Variants in PTPRE observed in about 807,000 individuals in gnomAD.
PTPRE encodes the protein protein tyrosine phosphatase receptor type E.
A neutral mutation model predicts 102.0 loss-of-function variants in PTPRE; 51 were observed. That is an observed-to-expected ratio of 0.50 (90% confidence interval 0.40 to 0.63). PTPRE has a LOEUF of 0.63. PTPRE is among the 30% of genes least tolerant of loss of function. The pLI is 0.00. For synonymous variants in PTPRE, 345 were observed against 348.2 expected, an observed-to-expected ratio of 0.99 and a Z score of 0.10; for missense variants, 752 against 915.1, an observed-to-expected ratio of 0.82 and a Z score of 2.30.
At chr10:128,022,738 A>G (rs759851921) in intron 2 of PTPRE, among the ~76,000 whole-genome samples, 2 of 152,242 alleles carry the variant, frequency 1.3e-5, no homozygotes, top group Non-Finnish European at 2.9e-5. Flanking sequence ...CAGCGGAGAC[A>G]GCTAGCAGGG....
intron 19 of PTPRE, among the ~76,000 whole-genome samples, chr10:128,078,241 G>C (rs1328356561): frequency 6.6e-6 from 1 of 152,180 alleles, no homozygotes; most frequent in Non-Finnish European, 1.5e-5. Flanking sequence ...TTGTAGCCAC[G>C]CTGGTCCTGC....
intron 1 of PTPRE, among the ~76,000 whole-genome samples, chr10:127,923,566 G>C (rs1475914968): frequency 3.3e-5 from 5 of 152,114 alleles, no homozygotes; most frequent in Non-Finnish European, 7.4e-5. Context: ...ACCATGCTTG[G>C]CTAATTTTTG....
At chr10:128,049,697 C>T in intron 6 of PTPRE, 31 bp downstream of exon 6, 1 of 1,612,868 alleles carries the variant, frequency 6.2e-7, no homozygotes, top group Non-Finnish European at 8.5e-7. Flanking sequence ...CTGCTGGGTG[C>T]CCTGTGGTGG....
intron 2 of PTPRE, among the ~76,000 whole-genome samples, chr10:127,982,988 C>A (rs184924995): frequency 2.0e-5 from 3 of 152,302 alleles, no homozygotes; most frequent in Admixed American, 6.5e-5. Flanking sequence ...GTGAGTGGCA[C>A]GTGGACTTCT....
chr10:128,075,715 G>A (rs926330184), intron 17 of PTPRE, among the ~76,000 whole-genome samples: 2 of 152,066 alleles, frequency 1.3e-5, no homozygotes, highest in African/African-American at 4.8e-5. Flanking sequence ...ATTGTTAATT[G>A]AAAATTAACA....
At chr10:127,925,591 G>A (rs998480269) in intron 1 of PTPRE, among the ~76,000 whole-genome samples, 2 of 152,340 alleles carry the variant, frequency 1.3e-5, no homozygotes, top group Admixed American at 6.5e-5. Flanking sequence ...CATGGTCGAG[G>A]CCAGGCCACA....
chr10:127,986,609 C>A (rs1271832488), intron 2 of PTPRE, among the ~76,000 whole-genome samples: 1 of 152,220 alleles, frequency 6.6e-6, no homozygotes, highest in African/African-American at 2.4e-5. Context: ...CTTTAGTAAT[C>A]TCTGTTTCCT....
At chr10:127,968,609 C>G (rs1309226317) in intron 1 of PTPRE, among the ~76,000 whole-genome samples, 2 of 152,184 alleles carry the variant, frequency 1.3e-5, no homozygotes, top group East Asian at 3.8e-4. Context: ...GTGGAAGGAG[C>G]GTTGTATCAG....
chr10:127,927,714 C>T (rs1333042546), intron 1 of PTPRE, among the ~76,000 whole-genome samples: 5 of 152,120 alleles, frequency 3.3e-5, no homozygotes, highest in African/African-American at 7.2e-5. Context: ...GAGGTTGTCA[C>T]GTCTTTGAGT....
intron 1 of PTPRE, among the ~76,000 whole-genome samples, chr10:127,908,545 G>A (rs1257664546): frequency 6.6e-6 from 1 of 152,158 alleles, no homozygotes; most frequent in Non-Finnish European, 1.5e-5. Flanking sequence ...TGACCACCAC[G>A]GTCACTCAGC....
chr10:128,081,766 T>G (rs1207547108), intron 20 of PTPRE, among the ~76,000 whole-genome samples: 1 of 152,202 alleles, frequency 6.6e-6, no homozygotes, highest in Non-Finnish European at 1.5e-5. Flanking sequence ...TTCCAACAAC[T>G]TCATGCAAAT....
In PTPRE at chr10:127,948,223, CT is replaced by C. The variant is rs1019132418; in HGVS notation, c.-30-34042del. ...GATGTGCACACACCATCACCCCCTC[CT>C]TTTTTTTTGTTTAAGAGAGACTTTA... On this transcript the variant is annotated intron_variant, in intron 1 of 20. Coordinates refer to ENST00000254667, the MANE Select transcript of PTPRE (RefSeq NM_006504.6). 1.7e-3 allele frequency among the ~76,000 whole-genome samples: 252 copies of C among 151,392 alleles called. 1 individual carries two copies. Among genetic ancestry groups the C allele is most frequent in the Admixed American group, 3.8e-3 (57 of 15,178 alleles).
chr10:127,980,315 A>C (rs1851504104), intron 1 of PTPRE, among the ~76,000 whole-genome samples: 4 of 148,882 alleles, frequency 2.7e-5, no homozygotes, highest in Admixed American at 2.7e-4. Context: ...TTTATTTATA[A>C]TTGTTGTTTC....
intron 1 of PTPRE, among the ~76,000 whole-genome samples, chr10:127,916,466 T>G (rs1270376167): frequency 6.6e-6 from 1 of 152,118 alleles, no homozygotes; most frequent in African/African-American, 2.4e-5. Flanking sequence ...GAACTGTGAG[T>G]CAATTAAACC....
At chr10:127,936,576 G>A (rs1847858429) in intron 1 of PTPRE, among the ~76,000 whole-genome samples, 2 of 152,180 alleles carry the variant, frequency 1.3e-5, no homozygotes, top group Non-Finnish European at 2.9e-5. Flanking sequence ...GGGGTAGAAG[G>A]TGGTGCCCTG....
intron 2 of PTPRE, among the ~76,000 whole-genome samples, chr10:128,031,610 A>G (rs1846762874): frequency 6.6e-6 from 1 of 152,170 alleles, no homozygotes; most frequent in African/African-American, 2.4e-5. Flanking sequence ...CTTCTGAGTG[A>G]GCAATGGCCT....
rs1051131459 is a variant in PTPRE at position 128,085,335 on chromosome 10, C to T, written c.*2429C>T. 4 of 277,750 alleles carry T rather than the reference C, an allele frequency of 1.4e-5. No individual in the cohort carries two copies. Among genetic ancestry groups the T allele is most frequent in the Admixed American group, 4.3e-5 (1 of 23,132 alleles). 17.2% of individuals were successfully genotyped at this position (277,750 alleles called of 1,614,324 possible). A position where few individuals can be genotyped will look rare whatever the true frequency, so the allele number is the denominator to read the frequency against. On this transcript the variant is annotated 3_prime_UTR_variant, in exon 21 of 21. Coordinates refer to ENST00000254667, the MANE Select transcript of PTPRE (RefSeq NM_006504.6). ...GTCCATTGTACATAACAAAACAGCC[C>T]CCAAACAGCCCAGTGCCGACACCAT...
chr10:127,929,064 C>T (rs1847229292), intron 1 of PTPRE, among the ~76,000 whole-genome samples: 1 of 152,202 alleles, frequency 6.6e-6, no homozygotes, highest in African/African-American at 2.4e-5. Flanking sequence ...TTTTAAATTA[C>T]ACACGTGCTA....
chr10:127,961,008 C>G (rs7092211), intron 1 of PTPRE, among the ~76,000 whole-genome samples: 12,001 of 121,268 alleles, frequency 0.099, 533 homozygotes, highest in African/African-American at 0.17. Flanking sequence ...GCCAAAGACC[C>G]AGACTCTGTC....
Sources: gnomAD v4.1 joint callset for allele counts (sites outside exome capture counted in the v4.1 genomes callset) on GRCh38, gnomAD v4.1.1 for gene constraint, MANE v1.5 for transcripts, NCBI Gene and HGNC (gene_info 2026-07-23, HGNC 2026-07-21) for gene names.